MRRF: variants seen among roughly 807,000 people sequenced by gnomAD.
MRRF encodes ribosome-recycling factor, mitochondrial.
Under a neutral mutation model 25.1 loss-of-function variants are expected in MRRF, and 18 were observed. The observed-to-expected ratio is 0.72, with a 90% CI of 0.50 to 1.06. The LOEUF (loss-of-function observed/expected upper bound fraction) is 1.06, where lower values mean the gene tolerates loss of function less well. MRRF is among the 50% of genes least tolerant of loss of function. MRRF has a pLI of 0.00. For synonymous variants in MRRF, 113 were observed against 112.1 expected (o/e 1.01, Z -0.05); for missense variants, 323 against 319.3 (o/e 1.01, Z -0.09).
chr9:122,306,147 A>G (rs114126322), intron 5 of MRRF, among the ~76,000 whole-genome samples: 12 of 152,296 alleles, frequency 7.9e-5, no homozygotes, highest in East Asian at 5.8e-4. Context: ...AAACATCACA[A>G]TTACTTTTAT....
intron 2 of MRRF, among the ~76,000 whole-genome samples, chr9:122,279,038 A>G (rs1466083525): frequency 6.6e-6 from 1 of 152,066 alleles, no homozygotes; most frequent in Non-Finnish European, 1.5e-5. Flanking sequence ...ACGCCCAGCT[A>G]ATTTTTGTAA....
rs1467743292 is a variant in MRRF at position 122,324,012 on chromosome 9, TC to T, written c.*1396del. 6.6e-6 allele frequency: 1 copy of T among 152,176 alleles called. No individual in the cohort carries two copies. Among genetic ancestry groups the T allele is most frequent in the Non-Finnish European group, 1.5e-5 (1 of 68,034 alleles). 9.4% of individuals were successfully genotyped at this position (152,176 alleles called of 1,614,324 possible). A position where few individuals can be genotyped will look rare whatever the true frequency, so the allele number is the denominator to read the frequency against. ...ACTTTCACACTCAACATGGAACACT[TC>T]TGTGACAAGGTGTGTGAGTTTGTTT... On this transcript the variant is annotated 3_prime_UTR_variant, in exon 7 of 7. Transcript: ENST00000344641.
chr9:122,306,260 T>A (rs1404539397), intron 5 of MRRF, among the ~76,000 whole-genome samples: 1 of 152,220 alleles, frequency 6.6e-6, no homozygotes, highest in Non-Finnish European at 1.5e-5. Context: ...AAATCCTGTA[T>A]GGCCTCCCTC....
intron 1 of MRRF, among the ~76,000 whole-genome samples, chr9:122,266,182 G>C (rs1832071384): frequency 6.6e-6 from 1 of 152,220 alleles, no homozygotes; most frequent in African/African-American, 2.4e-5. Flanking sequence ...GAAAATCATA[G>C]ATTAGTCCTT....
In MRRF at chr9:122,328,504, A is replaced by C. The variant is rs1316588916; in HGVS notation, c.*5887A>C. The C allele has an allele frequency of 6.6e-6, 1 of 152,170 alleles. No homozygotes were observed. Among genetic ancestry groups the C allele is most frequent in the African/African-American group, 2.4e-5 (1 of 41,436 alleles). The allele number at this position is 152,170 out of a possible 1,614,324, so 9.4% of individuals were successfully genotyped here. A position where few individuals can be genotyped will look rare whatever the true frequency, so the allele number is the denominator to read the frequency against. On this transcript the variant is annotated 3_prime_UTR_variant, in exon 7 of 7. Coordinates refer to ENST00000344641, the MANE Select transcript of MRRF (RefSeq NM_138777.5). ...TGTCTTTTTGTGACTAGTTTATTTCACTGAAGCATGATGTCCTTAAAGTAT... is the reference window on the plus strand; with the variant it reads ...TGTCTTTTTGTGACTAGTTTATTTCCCTGAAGCATGATGTCCTTAAAGTAT...
chr9:122,301,869 G>A (rs1834489894), intron 5 of MRRF, among the ~76,000 whole-genome samples: 1 of 151,820 alleles, frequency 6.6e-6, no homozygotes, highest in Non-Finnish European at 1.5e-5. Context: ...GAGTAGCTGG[G>A]ACTACAGACA....
intron 5 of MRRF, among the ~76,000 whole-genome samples, chr9:122,299,252 G>T (rs577776291): frequency 5.9e-5 from 9 of 151,712 alleles, no homozygotes; most frequent in Non-Finnish European, 1.2e-4. Flanking sequence ...AGGCATGGTG[G>T]CATGTGCCTG....
chr9:122,297,896 C>G (rs1834194761), intron 5 of MRRF, among the ~76,000 whole-genome samples: 1 of 152,056 alleles, frequency 6.6e-6, no homozygotes, highest in South Asian at 2.1e-4. Context: ...TTTAGGAAAC[C>G]CGATTGGTAT....
intron 6 of MRRF, among the ~76,000 whole-genome samples, chr9:122,319,323 T>G (rs906817282): frequency 4.6e-5 from 7 of 152,016 alleles, no homozygotes; most frequent in African/African-American, 4.8e-5. Flanking sequence ...GCTAATTTTT[T>G]GTATTTTTAG....
intron 5 of MRRF, among the ~76,000 whole-genome samples, chr9:122,303,349 T>G (rs1834593239): frequency 6.6e-6 from 1 of 151,574 alleles, no homozygotes; most frequent in Admixed American, 6.6e-5. Flanking sequence ...CCACAACTTG[T>G]TTTTTTCCCC....
rs1321463379 is a variant in MRRF, at chr9:122,327,733, T to G, written c.*5116T>G. The G allele has an allele frequency of 6.6e-6, 1 of 152,162 alleles. No homozygotes were observed. The highest frequency in any genetic ancestry group is 1.5e-5 in the Non-Finnish European group (1 of 68,038). 9.4% of individuals were successfully genotyped at this position (152,162 alleles called of 1,614,324 possible). Reference sequence around the variant, plus strand: ...AGCGCTCCAGACGCTTACATCTTCTTTATTTCATTCAGTGCTCTTAGTCTG... The same window carrying G: ...AGCGCTCCAGACGCTTACATCTTCTGTATTTCATTCAGTGCTCTTAGTCTG... On this transcript the variant is annotated 3_prime_UTR_variant, in exon 7 of 7. Coordinates refer to ENST00000344641, the MANE Select transcript of MRRF (RefSeq NM_138777.5).
chr9:122,293,744 C>A (rs1833914704), intron 5 of MRRF, among the ~76,000 whole-genome samples: 1 of 152,104 alleles, frequency 6.6e-6, no homozygotes, highest in Admixed American at 6.5e-5. Context: ...AGGCTCTGTG[C>A]TGGGGATGTA....
At position 122,279,005 on chromosome 9, in the gene MRRF, C is replaced by T. The variant is rs539429672; in HGVS notation, c.185-1438C>T. Among the ~76,000 whole-genome samples the T allele has an allele frequency of 2.8e-4, 43 of 152,046 alleles. No homozygotes were observed. The South Asian group carries it at 6.7e-3, about 24-fold the overall frequency. On this transcript the variant is annotated intron_variant, in intron 2 of 6. Coordinates refer to ENST00000344641, the MANE Select transcript of MRRF (RefSeq NM_138777.5). The stretch of plus-strand genomic sequence containing the variant: ...CTCCTGCCCCAGCCTCCCGAGTAGC[C>T]GGGATTACAGGCACACGCCACCACG...
chr9:122,266,179 A>G (rs569874054), intron 1 of MRRF, among the ~76,000 whole-genome samples: 4 of 152,388 alleles, frequency 2.6e-5, no homozygotes, highest in African/African-American at 9.6e-5. Context: ...CAAGAAAATC[A>G]TAGATTAGTC....
chr9:122,285,278 CTTCCCAGAGGTAAGA>C lies in MRRF; in HGVS notation c.452_459+7del. 1 of 1,604,866 alleles carries C rather than the reference CTTCCCAGAGGTAAGA, an allele frequency of 6.2e-7. No individual in the cohort carries two copies. On this transcript the variant is annotated splice_donor_variant and splice_donor_5th_base_variant and coding_sequence_variant and intron_variant, in exon 4 of 7. Coordinates refer to ENST00000344641, the MANE Select transcript of MRRF (RefSeq NM_138777.5). LOFTEE classifies it high-confidence loss of function. Reference sequence around the variant, plus strand: ...AGCTGATTTTGGTGAATATGGCCAGCTTCCCAGAGGTAAGATGGCCTTGCTAAAATCTCTCTCCGT... The same window carrying C: ...AGCTGATTTTGGTGAATATGGCCAGCTGGCCTTGCTAAAATCTCTCTCCGT...
rs35949709 is a variant in MRRF at position 122,319,147 on chromosome 9, C to CTT, written c.712-3373_712-3372dup. 4.4e-3 allele frequency among the ~76,000 whole-genome samples: 531 copies of CTT among 121,004 alleles called. 3 individuals carry two copies. The highest frequency in any genetic ancestry group is 9.7e-3 in the African/African-American group (322 of 33,194). The allele number at this position is 121,004 out of a possible 152,430, so 79.4% of individuals were successfully genotyped here. On this transcript the variant is annotated intron_variant, in intron 6 of 6. Coordinates refer to ENST00000344641, the MANE Select transcript of MRRF (RefSeq NM_138777.5). ...CACCACTGAACTTCTTTCTTTCTTTCTTTTTTTTTTTTTTTTTTTTTGAGA... is the reference window on the plus strand; with the variant it reads ...CACCACTGAACTTCTTTCTTTCTTTCTTTTTTTTTTTTTTTTTTTTTTTGAGA...
intron 4 of MRRF, among the ~76,000 whole-genome samples, chr9:122,288,789 G>T (rs930770011): frequency 1.2e-4 from 19 of 152,170 alleles, no homozygotes; most frequent in Non-Finnish European, 2.2e-4. Context: ...TGTTGTTGTT[G>T]CTATTTAGCA....
intron 5 of MRRF, among the ~76,000 whole-genome samples, chr9:122,306,727 ACTTGGGTTTC>A (rs936166950): frequency 6.6e-6 from 1 of 152,148 alleles, no homozygotes; most frequent in Non-Finnish European, 1.5e-5. Context: ...TCACCCCAAA[ACTTGGGTTTC>A]CATCCTTCTG....
chr9:122,314,446 AT>A (rs1479943889), intron 6 of MRRF, among the ~76,000 whole-genome samples: 6 of 152,222 alleles, frequency 3.9e-5, no homozygotes, highest in African/African-American at 7.2e-5. Context: ...AAGGAAATAT[AT>A]ATATTTATGG....
Sources: gnomAD v4.1 joint callset for allele counts (sites outside exome capture counted in the v4.1 genomes callset) on GRCh38, gnomAD v4.1.1 for gene constraint, MANE v1.5 for transcripts, NCBI Gene and HGNC (gene_info 2026-07-23, HGNC 2026-07-21) for gene names.